Variants in NSRP1 observed in about 807,000 individuals in gnomAD.
NSRP1 encodes coiled-coil domain containing 55.
NSRP1 carries 24 observed loss-of-function variants against 54.7 expected under a neutral mutation model. The observed-to-expected ratio is 0.44, with a 90% CI of 0.32 to 0.62. The LOEUF (loss-of-function observed/expected upper bound fraction) is 0.62. NSRP1 is among the 20% of genes least tolerant of loss of function. The pLI, the probability that NSRP1 is intolerant of heterozygous loss-of-function variation, is 0.06. For synonymous variants in NSRP1, 210 were observed against 213.8 expected (o/e 0.98, Z 0.15); for missense variants, 596 against 651.2 (o/e 0.92, Z 0.92).
intron 2 of NSRP1, among the ~76,000 whole-genome samples, chr17:30,151,131 T>A (rs1205187892): frequency 6.6e-6 from 1 of 152,212 alleles, no homozygotes; most frequent in Non-Finnish European, 1.5e-5. Flanking sequence ...TTTGGCCATT[T>A]GTATATCTTC....
intron 1 of NSRP1, 119 bp downstream of exon 1, chr17:30,116,982 C>A: frequency 7.8e-7 from 1 of 1,280,302 alleles, no homozygotes; most frequent in Non-Finnish European, 1.1e-6. Flanking sequence ...AGGGTAGAGA[C>A]GGGAAAAAAC....
In NSRP1 at chr17:30,179,992, A is replaced by G. The variant is rs552193252; in HGVS notation, c.508+695A>G. 2.2e-4 allele frequency among the ~76,000 whole-genome samples: 33 copies of G among 151,846 alleles called. No individual in the cohort carries two copies. In the South Asian group the frequency reaches 6.3e-3, roughly 29 times the overall value. On this transcript the variant is annotated intron_variant, in intron 5 of 6. Transcript: ENST00000247026. ...GCTGGGACTACGGGAACATACCACC[A>G]CGTCTGGTTACTTTTTGTATTTTTT...
In NSRP1 at chr17:30,175,430, GTTTTGT is replaced by G. The variant is rs764083906; in HGVS notation, c.172-2623_172-2618del. 4.6e-5 allele frequency among the ~76,000 whole-genome samples: 7 copies of G among 151,500 alleles called. No homozygotes were observed. The South Asian group carries it at 1.0e-3, about 23-fold the overall frequency. ...GGGGTTTTTTGTTTTGTTTTGTTTT[GTTTTGT>G]TTTTGTTTTTGTTTTTGAGATGGAG... On this transcript the variant is annotated intron_variant, in intron 3 of 6. Coordinates refer to ENST00000247026, the MANE Select transcript of NSRP1 (RefSeq NM_032141.4).
intron 3 of NSRP1, among the ~76,000 whole-genome samples, chr17:30,174,155 T>A (rs1264443005): frequency 5.3e-5 from 8 of 152,164 alleles, no homozygotes; most frequent in Admixed American, 5.2e-4. Context: ...ATTTTTGTGC[T>A]GCCTTTTTTT....
chr17:30,154,131 G>A (rs1161575587), intron 2 of NSRP1, among the ~76,000 whole-genome samples: 4 of 151,624 alleles, frequency 2.6e-5, no homozygotes, highest in Non-Finnish European at 5.9e-5. Context: ...GACCAGCCTG[G>A]GTAACATACT....
At chr17:30,163,991 C>T (rs983065475) in intron 2 of NSRP1, among the ~76,000 whole-genome samples, 4 of 151,766 alleles carry the variant, frequency 2.6e-5, no homozygotes, top group African/African-American at 9.7e-5. Flanking sequence ...CGGCCAATGA[C>T]CACATTTTTA....
chr17:30,157,887 G>A (rs905759711), intron 2 of NSRP1, among the ~76,000 whole-genome samples: 5 of 152,016 alleles, frequency 3.3e-5, no homozygotes, highest in African/African-American at 4.8e-5. Context: ...CACTTTATCC[G>A]TTTATCTGTT....
intron 2 of NSRP1, among the ~76,000 whole-genome samples, chr17:30,133,684 A>G (rs566798660): frequency 2.8e-4 from 43 of 152,232 alleles, no homozygotes; most frequent in Non-Finnish European, 5.3e-4. Flanking sequence ...TGTTTTGTCT[A>G]CATTGAGAAT....
intron 2 of NSRP1, among the ~76,000 whole-genome samples, chr17:30,161,327 A>T (rs893452657): frequency 2.6e-5 from 4 of 152,112 alleles, no homozygotes; most frequent in African/African-American, 9.7e-5. Context: ...CTTCTTTCTT[A>T]TACTAGGTTT....
intron 2 of NSRP1, among the ~76,000 whole-genome samples, chr17:30,136,123 G>T (rs1190457360): frequency 6.6e-6 from 1 of 152,092 alleles, no homozygotes; most frequent in Admixed American, 6.5e-5. Context: ...TGAGGCAGGA[G>T]AATTGCTTGA....
intron 2 of NSRP1, among the ~76,000 whole-genome samples, chr17:30,162,437 T>TA (rs1426667114): frequency 5.3e-5 from 8 of 152,328 alleles, no homozygotes; most frequent in Admixed American, 3.9e-4. Context: ...ACTTTGTACT[T>TA]ACAAGAGTTG....
At chr17:30,147,387 C>T (rs1184197252) in intron 2 of NSRP1, among the ~76,000 whole-genome samples, 1 of 152,024 alleles carries the variant, frequency 6.6e-6, no homozygotes, top group Middle Eastern at 3.4e-3. Context: ...ACCTTGGCCT[C>T]CTAAAGTGCT....
intron 2 of NSRP1, among the ~76,000 whole-genome samples, chr17:30,171,972 A>ACACACACTCACTCT: frequency 2.1e-5 from 1 of 46,588 alleles, no homozygotes; most frequent in Non-Finnish European, 5.3e-5. Flanking sequence ...ACACACACAC[A>ACACACACTCACTCT]CTCCCTCTCT....
At chr17:30,138,337 A>G (rs565427160) in intron 2 of NSRP1, among the ~76,000 whole-genome samples, 29 of 152,228 alleles carry the variant, frequency 1.9e-4, no homozygotes, top group East Asian at 1.3e-3. Context: ...TGAGTGTACA[A>G]TTGTCCCTTG....
chr17:30,142,839 C>T (rs1167977618), intron 2 of NSRP1, among the ~76,000 whole-genome samples: 1 of 152,106 alleles, frequency 6.6e-6, no homozygotes, highest in East Asian at 1.9e-4. Context: ...ATCATGATTG[C>T]AAATTTGGGT....
At chr17:30,118,500 G>A (rs985029935) in intron 2 of NSRP1, among the ~76,000 whole-genome samples, 2 of 152,148 alleles carry the variant, frequency 1.3e-5, no homozygotes, top group Non-Finnish European at 2.9e-5. Flanking sequence ...TATTAGCAAA[G>A]CAGTTTTTAA....
chr17:30,117,966 A>G lies in NSRP1; in HGVS notation c.21-114A>G, dbSNP rs375283861. ...AGCAAAAACAGTCTGTTACGTGTTC[A>G]TAAAGCTTATGACATGTTTTGATTT... On this transcript the variant is annotated intron_variant, in intron 1 of 6. Coordinates refer to ENST00000247026, the MANE Select transcript of NSRP1 (RefSeq NM_032141.4). 2.5e-4 allele frequency: 204 copies of G among 822,528 alleles called. No homozygotes were observed. In the East Asian group the frequency reaches 4.7e-3, roughly 19 times the overall value. 51.0% of individuals were successfully genotyped at this position (822,528 alleles called of 1,614,324 possible).
chr17:30,168,951 G>A (rs1306739597), intron 2 of NSRP1: 2 of 151,966 alleles, frequency 1.3e-5, no homozygotes, highest in South Asian at 4.1e-4. Context: ...ATCCACTGAT[G>A]CTGTTGAATT....
At chr17:30,145,002 A>G (rs1397713717) in intron 2 of NSRP1, among the ~76,000 whole-genome samples, 2 of 152,182 alleles carry the variant, frequency 1.3e-5, no homozygotes, top group Non-Finnish European at 2.9e-5. Context: ...AGTACATATG[A>G]TTTTGTAAAC....
Sources: allele counts gnomAD v4.1 joint callset (sites outside exome capture counted in the v4.1 genomes callset), GRCh38; gene constraint gnomAD v4.1.1; transcripts MANE v1.5; gene names NCBI Gene and HGNC (gene_info 2026-07-23, HGNC 2026-07-21).